Variants in MOV10L1 observed in about 807,000 individuals in gnomAD.
MOV10L1 encodes the protein RNA helicase Mov10l1.
In MOV10L1, 110 loss-of-function variants were observed where a neutral mutation model predicts 143.8. The ratio of observed to expected loss-of-function variants is 0.76; its 90% CI spans 0.66 to 0.90. The LOEUF is 0.90. Among genes scored for constraint, MOV10L1 ranks in the 40% least tolerant of loss-of-function variants. The pLI, the probability that MOV10L1 is intolerant of heterozygous loss-of-function variation, is 0.00. For missense variants in MOV10L1, 1,406 were observed against 1,526.8 expected (o/e 0.92, Z 1.32); for synonymous variants, 593 against 581.1 (o/e 1.02, Z -0.29).
chr22:50,153,073 C>T lies in MOV10L1; in HGVS notation c.2921C>T (p.Ser974Phe), dbSNP rs141671265. 7 of 1,610,228 alleles carry T rather than the reference C, an allele frequency of 4.3e-6. No homozygotes were observed. The highest frequency in any genetic ancestry group is 1.3e-5 in the African/African-American group (1 of 74,856). The change falls in exon 22 of 27, where the codon TCC (serine) becomes TTC (phenylalanine). Residue 974 changes from serine (S) to phenylalanine (F), a missense_variant. This residue lies in a region of MOV10L1 where 1,233 missense variants were observed against 1,351.4 expected (regional missense o/e 0.91). Coordinates refer to ENST00000262794, the MANE Select transcript of MOV10L1 (RefSeq NM_018995.3). ...LVTKLVKNYRSHEALLMLPSR... is the reference protein window; with the variant it reads ...LVTKLVKNYRFHEALLMLPSR... ...ACAAAGCTGGTGAAGAACTACCGGTCCCACGAGGCCCTGCTGATGCTGCCC... is the reference window on the plus strand; with the variant it reads ...ACAAAGCTGGTGAAGAACTACCGGTTCCACGAGGCCCTGCTGATGCTGCCC...
chr22:50,147,111 G>A, intron 19 of MOV10L1: 1 of 1,580,142 alleles, frequency 6.3e-7, no homozygotes, highest in Non-Finnish European at 8.6e-7. Context: ...GGGCAGAGCG[G>A]GCACTGCATG....
intron 15 of MOV10L1, among the ~76,000 whole-genome samples, chr22:50,141,012 T>TA (rs551054922): frequency 1.2e-3 from 183 of 152,130 alleles, no homozygotes; most frequent in Non-Finnish European, 2.2e-3. Flanking sequence ...AAATACTACT[T>TA]ACATTGGAAC....
Position 50,160,994 on chromosome 22 carries a change from A to T in MOV10L1, c.3493A>T (p.Ser1165Cys). The T allele has an allele frequency of 6.2e-7, 1 of 1,614,208 alleles. No homozygotes were observed. The highest frequency in any genetic ancestry group is 2.2e-5 in the East Asian group (1 of 44,880). ...DPCFGALLEY[S>C]ITNGVYMGCD... ...CTGTTTTGGTGCTTTGCTGGAATAC[A>T]GTATTACAAACGGTGTTTACATGGG... Residue 1165 changes from serine (S) to cysteine (C), a missense_variant, in exon 26 of 27, where the codon AGT becomes TGT. Ser to Cys is a moderately radical substitution (Grantham distance 112). Transcript: ENST00000262794.
intron 3 of MOV10L1, among the ~76,000 whole-genome samples, chr22:50,101,127 A>G (rs903885099): frequency 6.6e-6 from 1 of 152,102 alleles, no homozygotes; most frequent in African/African-American, 2.4e-5. Context: ...TTCTGCTTTA[A>G]GCTGGGGGGT....
chr22:50,150,753 C>T lies in MOV10L1; in HGVS notation c.2746C>T (p.Pro916Ser). ...ISGQIVLAGD[P>S]MQLGPVIKSR... is the part of the protein sequence containing the mutation. Reference sequence around the variant, plus strand: ...TGTGCAGATCGTGCTGGCAGGAGACCCCATGCAGCTCGGCCCAGTCATTAA... The same window carrying T: ...TGTGCAGATCGTGCTGGCAGGAGACTCCATGCAGCTCGGCCCAGTCATTAA... Residue 916 changes from proline (P) to serine (S), a missense_variant, in exon 21 of 27, where the codon CCC (proline) becomes TCC (serine). Pro to Ser is a moderately conservative substitution (Grantham distance 74). This residue lies in a region of MOV10L1 where 1,233 missense variants were observed against 1,351.4 expected (regional missense o/e 0.91). Coordinates refer to ENST00000262794, the MANE Select transcript of MOV10L1 (RefSeq NM_018995.3). 1 of 1,613,954 alleles carries T rather than the reference C, an allele frequency of 6.2e-7. No homozygotes were observed. Among genetic ancestry groups the T allele is most frequent in the Non-Finnish European group, 8.5e-7 (1 of 1,179,976 alleles).
Position 50,128,483 on chromosome 22 carries a change from T to C in MOV10L1, c.1886T>C (p.Met629Thr). The part of the protein sequence containing the change: ...EFEQAYNFEP[M>T]DVEFTYNRTT... ...GAACAAGCCTATAACTTTGAACCTA[T>C]GGATGTGGAATTTACATATAATAGG... The change falls in exon 13 of 27, where the codon ATG (methionine) becomes ACG (threonine). Residue 629 changes from methionine (M) to threonine (T), a missense_variant. Around this residue, in one of 3 missense-constraint regions of MOV10L1, gnomAD observed 1,233 missense variants for 1,351.4 expected, o/e 0.91. Coordinates refer to ENST00000262794, the MANE Select transcript of MOV10L1 (RefSeq NM_018995.3). 1 of 1,546,204 alleles carries C rather than the reference T, an allele frequency of 6.5e-7. No individual in the cohort carries two copies. The highest frequency in any genetic ancestry group is 8.9e-7 in the Non-Finnish European group (1 of 1,124,004).
intron 13 of MOV10L1, among the ~76,000 whole-genome samples, chr22:50,129,687 C>G (rs1327620842): frequency 1.3e-5 from 2 of 152,156 alleles, no homozygotes; most frequent in African/African-American, 4.8e-5. Context: ...GATCGGTGCC[C>G]TTTCTGTAAT....
At chr22:50,113,902 A>C in intron 6 of MOV10L1, 114 bp downstream of exon 6, 1 of 866,354 alleles carries the variant, frequency 1.2e-6, no homozygotes, top group Non-Finnish European at 1.6e-6. Context: ...TTTCTTTATG[A>C]AGATCTTTTC....
chr22:50,130,730 G>A (rs2062649284), intron 13 of MOV10L1, among the ~76,000 whole-genome samples: 1 of 152,142 alleles, frequency 6.6e-6, no homozygotes, highest in South Asian at 2.1e-4. Context: ...CTGGTAGAAG[G>A]CACACAGCCT....
intron 17 of MOV10L1, among the ~76,000 whole-genome samples, chr22:50,143,884 TAGAG>T (rs1192396541): frequency 6.6e-6 from 1 of 152,176 alleles, no homozygotes; most frequent in African/African-American, 2.4e-5. Context: ...TTTAGAATCT[TAGAG>T]AGTGCGGAGA....
chr22:50,125,994 G>A (rs1467211737), intron 11 of MOV10L1, among the ~76,000 whole-genome samples: 21 of 150,622 alleles, frequency 1.4e-4, no homozygotes, highest in Admixed American at 4.8e-4. Flanking sequence ...AGGTTTCGCC[G>A]TGTTAGCCAG....
Position 50,142,000 on chromosome 22 carries a change from A to T in MOV10L1, c.2071-81A>T, listed in dbSNP as rs1317085371. 28 of 1,033,854 alleles carry T rather than the reference A, an allele frequency of 2.7e-5. No individual in the cohort carries two copies. The East Asian group carries it at 6.9e-4, about 25-fold the overall frequency. The allele number at this position is 1,033,854 out of a possible 1,614,324, so 64.0% of individuals were successfully genotyped here. Reference sequence around the variant, plus strand: ...ATAAATATACTAAGTAGAACACTAGATGTTTACGTTTGCTCTTTCAACCAA... The same window carrying T: ...ATAAATATACTAAGTAGAACACTAGTTGTTTACGTTTGCTCTTTCAACCAA... On this transcript the variant is annotated intron_variant, in intron 15 of 26. Coordinates refer to ENST00000262794, the MANE Select transcript of MOV10L1 (RefSeq NM_018995.3).
At chr22:50,136,015 A>G (rs1226389581) in intron 15 of MOV10L1, among the ~76,000 whole-genome samples, 4 of 152,200 alleles carry the variant, frequency 2.6e-5, no homozygotes, top group Admixed American at 2.6e-4. Flanking sequence ...CTAATACTCA[A>G]AAATGCTCAC....
At chr22:50,112,848 G>C (rs978346893) in intron 5 of MOV10L1, among the ~76,000 whole-genome samples, 9 of 152,156 alleles carry the variant, frequency 5.9e-5, no homozygotes, top group Admixed American at 2.6e-4. Flanking sequence ...TCCCCACCCC[G>C]TCCATCAGCA....
At chr22:50,121,677 C>T (rs1489448282) in intron 10 of MOV10L1, among the ~76,000 whole-genome samples, 1 of 152,158 alleles carries the variant, frequency 6.6e-6, no homozygotes, top group Non-Finnish European at 1.5e-5. Flanking sequence ...AATGGTTCAT[C>T]GAGGTGGCAG....
chr22:50,104,891 C>CT (rs138212), intron 3 of MOV10L1, among the ~76,000 whole-genome samples: 29,088 of 139,952 alleles, frequency 0.21, 3,609 homozygotes, highest in Non-Finnish European at 0.3. Flanking sequence ...ATTGAGCCTT[C>CT]TTTTTTTTTT....
chr22:50,160,629 C>T, intron 24 of MOV10L1, 59 bp from the exon 25 acceptor site: 1 of 1,554,506 alleles, frequency 6.4e-7, no homozygotes, highest in Non-Finnish European at 8.7e-7. Context: ...TCAAGAGTTT[C>T]TCTTCATGCC....
chr22:50,117,582 A>G (rs2062217282), intron 9 of MOV10L1, among the ~76,000 whole-genome samples: 1 of 152,208 alleles, frequency 6.6e-6, no homozygotes, highest in African/African-American at 2.4e-5. Flanking sequence ...CGTGAAGCCC[A>G]AGGAAGACGG....
intron 19 of MOV10L1, chr22:50,147,169 G>A (rs183973731): frequency 9.5e-6 from 15 of 1,576,152 alleles, no homozygotes; most frequent in Non-Finnish European, 1.2e-5. Context: ...GGAGGTGGCC[G>A]GCCAGGGCAG....
Sources: gnomAD v4.1 joint callset for allele counts (sites outside exome capture counted in the v4.1 genomes callset) on GRCh38, gnomAD v4.1.1 for gene constraint, gnomAD v4.1.1 regional missense constraint, MANE v1.5 for transcripts, NCBI Gene and HGNC (gene_info 2026-07-23, HGNC 2026-07-21) for gene names.